VPS35L: variants seen among roughly 807,000 people sequenced by gnomAD.
VPS35L encodes the protein VPS35 endosomal protein sorting factor like, also known as VPS35 endosomal protein-sorting factor-like.
A neutral mutation model predicts 133.0 loss-of-function variants in VPS35L; 83 were observed. That is an observed-to-expected ratio of 0.62 (90% CI 0.52 to 0.75). The LOEUF is 0.75. Ranked by LOEUF, VPS35L falls within the 30% of genes least tolerant of loss-of-function variation. VPS35L has a pLI of 0.00. For missense variants in VPS35L, 1,083 were observed against 1,206.8 expected (o/e 0.90, Z 1.52); for synonymous variants, 423 against 449.9 (o/e 0.94, Z 0.76).
intron 27 of VPS35L, among the ~76,000 whole-genome samples, chr16:19,675,728 T>G (rs1975042595): frequency 6.6e-6 from 1 of 151,962 alleles, no homozygotes; most frequent in South Asian, 2.1e-4. Context: ...TTTTGTTTTT[T>G]TAGTAGAGAC....
At position 19,627,862 on chromosome 16, in the gene VPS35L, CT is replaced by C. The variant is rs576045944; in HGVS notation, c.1383+58del. ...CAAATAAGCGGTGTGTATCTGATAG[CT>C]CTTGAGAGACAGTCCGGTTTTGGGA... On this transcript the variant is annotated intron_variant, in intron 16 of 30. Coordinates refer to ENST00000417362, the MANE Select transcript of VPS35L (RefSeq NM_020314.7). 36 of 1,377,328 alleles carry C rather than the reference CT, an allele frequency of 2.6e-5. No individual in the cohort carries two copies. The East Asian group carries it at 8.2e-4, about 32-fold the overall frequency. 85.3% of individuals were successfully genotyped at this position (1,377,328 alleles called of 1,614,324 possible).
chr16:19,583,325 A>G (rs1208291341), intron 7 of VPS35L, among the ~76,000 whole-genome samples: 4 of 152,132 alleles, frequency 2.6e-5, no homozygotes, highest in Non-Finnish European at 5.9e-5. Context: ...TGGATATTTC[A>G]TATACATGGG....
chr16:19,686,867 C>G (rs1975479000), intron 28 of VPS35L, among the ~76,000 whole-genome samples: 1 of 152,150 alleles, frequency 6.6e-6, no homozygotes, highest in African/African-American at 2.4e-5. Context: ...AGAATCCTGT[C>G]CCAAGCATAG....
chr16:19,636,428 G>T (rs577337616), intron 19 of VPS35L, among the ~76,000 whole-genome samples: 240 of 152,302 alleles, frequency 1.6e-3, no homozygotes, highest in Non-Finnish European at 3.1e-3. Flanking sequence ...CACAGTTTAT[G>T]TGTAGCTGTG....
chr16:19,565,348 C>A (rs777428289), intron 2 of VPS35L, among the ~76,000 whole-genome samples: 1 of 150,420 alleles, frequency 6.6e-6, no homozygotes, highest in Non-Finnish European at 1.5e-5. Context: ...CGTGCCCAGC[C>A]TGATTTATTT....
At chr16:19,698,912 C>T (rs948969085) in intron 29 of VPS35L, among the ~76,000 whole-genome samples, 4 of 152,130 alleles carry the variant, frequency 2.6e-5, no homozygotes, top group Admixed American at 6.6e-5. Flanking sequence ...TTCGGTCTGC[C>T]GTGACACTGT....
chr16:19,664,639 G>A (rs571096716), intron 26 of VPS35L, among the ~76,000 whole-genome samples: 18 of 151,872 alleles, frequency 1.2e-4, no homozygotes, highest in African/African-American at 3.1e-4. Flanking sequence ...GGTGGCTCAC[G>A]CCTGTAATCC....
chr16:19,590,813 A>G (rs1200880483), intron 7 of VPS35L, among the ~76,000 whole-genome samples: 3 of 151,736 alleles, frequency 2.0e-5, no homozygotes, highest in Non-Finnish European at 4.4e-5. Flanking sequence ...AAATTAGCCA[A>G]CCATGGTGGT....
chr16:19,662,705 A>C (rs1457557586), intron 26 of VPS35L, among the ~76,000 whole-genome samples: 1 of 152,222 alleles, frequency 6.6e-6, no homozygotes, highest in Non-Finnish European at 1.5e-5. Flanking sequence ...TATCAACTCA[A>C]GGTAAAGAGG....
chr16:19,610,511 A>G (rs1396771169), intron 12 of VPS35L, 96 bp downstream of exon 12: 1 of 846,506 alleles, frequency 1.2e-6, no homozygotes, highest in Admixed American at 2.6e-5. Context: ...CCCGCAAGTC[A>G]TTGAGAGAAG....
At chr16:19,589,086 T>C (rs1398557050) in intron 7 of VPS35L, among the ~76,000 whole-genome samples, 1 of 152,210 alleles carries the variant, frequency 6.6e-6, no homozygotes, top group African/African-American at 2.4e-5. Context: ...TAAAATGACC[T>C]TTGCTGATTT....
intron 4 of VPS35L, among the ~76,000 whole-genome samples, chr16:19,574,387 G>A (rs1027254632): frequency 1.1e-4 from 16 of 152,170 alleles, no homozygotes; most frequent in African/African-American, 3.6e-4. Flanking sequence ...TGTCTTGAAG[G>A]TGTGATCATG....
chr16:19,629,962 A>T (rs550303981), intron 18 of VPS35L, 142 bp downstream of exon 18: 2 of 698,812 alleles, frequency 2.9e-6, no homozygotes, highest in Non-Finnish European at 4.9e-6. Flanking sequence ...TTCATAATAA[A>T]GCGTGATGGA....
chr16:19,557,625 C>T (rs944965047), intron 1 of VPS35L, among the ~76,000 whole-genome samples: 2 of 152,020 alleles, frequency 1.3e-5, no homozygotes, highest in Non-Finnish European at 2.9e-5. Flanking sequence ...TTAAGTGATC[C>T]GCCGACCTCG....
chr16:19,684,271 C>T (rs933944929), intron 28 of VPS35L, among the ~76,000 whole-genome samples: 2 of 152,170 alleles, frequency 1.3e-5, no homozygotes, highest in Admixed American at 6.5e-5. Context: ...TATCCTCCTG[C>T]CTGGCGGACC....
chr16:19,641,446 ATATATTATTTTT>A (rs1246768999), intron 21 of VPS35L, among the ~76,000 whole-genome samples: 1 of 151,910 alleles, frequency 6.6e-6, no homozygotes, highest in Admixed American at 6.6e-5. Flanking sequence ...TTCATTTACA[ATATATTATTTTT>A]TAGGACAGGG....
chr16:19,578,902 A>C (rs905392230), intron 5 of VPS35L, 150 bp from the exon 6 acceptor site: 2 of 714,260 alleles, frequency 2.8e-6, no homozygotes, highest in African/African-American at 3.5e-5. Flanking sequence ...TACATAAGGA[A>C]GTTGCTTTGA....
intron 21 of VPS35L, among the ~76,000 whole-genome samples, chr16:19,641,688 T>C (rs1260066982): frequency 6.6e-6 from 1 of 152,224 alleles, no homozygotes; most frequent in African/African-American, 2.4e-5. Flanking sequence ...CTTGCCCTTT[T>C]ATATTATTTG....
chr16:19,587,396 G>C (rs771202398), intron 7 of VPS35L: 1 of 445,136 alleles, frequency 2.2e-6, no homozygotes, highest in East Asian at 7.4e-5. Context: ...TTGGGAGGCT[G>C]AGGTGGGCGG....
Sources: allele counts gnomAD v4.1 joint callset (sites outside exome capture counted in the v4.1 genomes callset), GRCh38; gene constraint gnomAD v4.1.1; transcripts MANE v1.5; gene names NCBI Gene and HGNC (gene_info 2026-07-23, HGNC 2026-07-21).